Variants in TNRC6B observed in about 807,000 individuals in gnomAD.
TNRC6B encodes the protein trinucleotide repeat-containing gene 6B protein.
A neutral mutation model predicts 203.6 loss-of-function variants in TNRC6B; 52 were observed. The ratio of observed to expected loss-of-function variants is 0.26; its 90% confidence interval spans 0.20 to 0.32. TNRC6B has a LOEUF of 0.32. Among genes scored for constraint, TNRC6B ranks in the 10% least tolerant of loss-of-function variants. TNRC6B has a pLI of 1.00. For missense variants in TNRC6B, 1,923 were observed against 2,286.2 expected (o/e 0.84, Z 3.24); for synonymous variants, 838 against 845.7 (o/e 0.99, Z 0.16).
At chr22:40,249,529 G>A (rs998449261) in intron 2 of TNRC6B, among the ~76,000 whole-genome samples, 7 of 152,180 alleles carry the variant, frequency 4.6e-5, no homozygotes, top group South Asian at 2.1e-4. Context: ...ATTGTTTAGC[G>A]TTGGCAGAAC....
chr22:40,199,344 C>G (rs572568278), intron 1 of TNRC6B, among the ~76,000 whole-genome samples: 5 of 152,100 alleles, frequency 3.3e-5, no homozygotes, highest in Admixed American at 1.3e-4. Flanking sequence ...AATGGAGAGG[C>G]CTGGCAGATG....
intron 4 of TNRC6B, among the ~76,000 whole-genome samples, chr22:40,159,281 A>G (rs2068850667): frequency 1.4e-5 from 2 of 147,162 alleles, no homozygotes; most frequent in South Asian, 4.4e-4. Context: ...GTAATTTTTT[A>G]ATAAAAGTAA....
intron 3 of TNRC6B, among the ~76,000 whole-genome samples, chr22:40,151,946 A>G (rs1391646415): frequency 2.0e-5 from 3 of 152,130 alleles, no homozygotes; most frequent in African/African-American, 7.2e-5. Context: ...CCAGAAGGAG[A>G]GAACAGAAGT....
rs1038748337 is a variant in TNRC6B at position 40,335,568 on chromosome 22, G to A, written c.*12327G>A. 9 of 151,034 alleles carry A rather than the reference G, an allele frequency of 6.0e-5. No homozygotes were observed. Among genetic ancestry groups the A allele is most frequent in the African/African-American group, 1.7e-4 (7 of 41,144 alleles). The allele number at this position is 151,034 out of a possible 1,614,324, so 9.4% of individuals were successfully genotyped here. A position where few individuals can be genotyped will look rare whatever the true frequency, so the allele number is the denominator to read the frequency against. On this transcript the variant is annotated 3_prime_UTR_variant, in exon 23 of 23. Coordinates refer to ENST00000454349, the MANE Select transcript of TNRC6B (RefSeq NM_001162501.2). ...AGGTTGAGTAATAAGGAATTAAGTC[G>A]TCGTCATTTCATTAAAACTGAGAGA...
chr22:40,187,080 T>A (rs1441006111), intron 1 of TNRC6B, among the ~76,000 whole-genome samples: 4 of 152,220 alleles, frequency 2.6e-5, no homozygotes, highest in Non-Finnish European at 5.9e-5. Context: ...TAAATTTAAA[T>A]TAATTAAAAT....
At chr22:40,046,376 A>G (rs1490441850) in intron 1 of TNRC6B, among the ~76,000 whole-genome samples, 2 of 152,238 alleles carry the variant, frequency 1.3e-5, no homozygotes, top group Admixed American at 1.3e-4. Context: ...GCACGAAGGC[A>G]CACTCACCAA....
At chr22:40,102,083 C>G (rs2068245601) in intron 1 of TNRC6B, among the ~76,000 whole-genome samples, 1 of 152,150 alleles carries the variant, frequency 6.6e-6, no homozygotes, top group African/African-American at 2.4e-5. Flanking sequence ...TATAAAAGAA[C>G]TGTTAATTTC....
chr22:40,290,388 G>C (rs2070854185), intron 12 of TNRC6B, among the ~76,000 whole-genome samples: 1 of 152,168 alleles, frequency 6.6e-6, no homozygotes, highest in African/African-American at 2.4e-5. Flanking sequence ...CCTCGTGGCT[G>C]GTTCTCTCGC....
chr22:40,291,750 AC>A (rs1238537989), intron 12 of TNRC6B, among the ~76,000 whole-genome samples: 1 of 152,234 alleles, frequency 6.6e-6, no homozygotes, highest in African/African-American at 2.4e-5. Context: ...TTATACATAA[AC>A]CCTTGCCCAC....
chr22:40,173,567 C>T (rs2069024790), upstream of TNRC6B, among the ~76,000 whole-genome samples: 1 of 150,608 alleles, frequency 6.6e-6, no homozygotes, highest in African/African-American at 2.4e-5. Context: ...CATACCCCAC[C>T]AAGCCTGGCT....
At chr22:40,285,597 ATTTTC>A (rs758507479) in intron 11 of TNRC6B, 43 bp from the exon 12 acceptor site, 1 of 1,586,466 alleles carries the variant, frequency 6.3e-7, no homozygotes, top group African/African-American at 1.4e-5. Context: ...TCTTACTTGC[ATTTTC>A]TTATGTTAAC....
At chr22:40,139,842 A>G (rs572779748) in intron 3 of TNRC6B, among the ~76,000 whole-genome samples, 2 of 152,328 alleles carry the variant, frequency 1.3e-5, no homozygotes, top group African/African-American at 2.4e-5. Context: ...TTTTTGAGGA[A>G]CTGCCAAACT....
At chr22:40,095,085 T>A (rs974398128) in intron 1 of TNRC6B, among the ~76,000 whole-genome samples, 1 of 152,196 alleles carries the variant, frequency 6.6e-6, no homozygotes, top group Non-Finnish European at 1.5e-5. Context: ...CCAGAAATCT[T>A]TACAATTATA....
chr22:40,261,033 A>G (rs370008626), intron 3 of TNRC6B, among the ~76,000 whole-genome samples: 4 of 152,308 alleles, frequency 2.6e-5, no homozygotes, highest in East Asian at 1.9e-4. Context: ...TAATCCCAGC[A>G]CTTTGGGAGG....
At chr22:40,272,213 G>A (rs1445524650) in intron 6 of TNRC6B, among the ~76,000 whole-genome samples, 1 of 152,198 alleles carries the variant, frequency 6.6e-6, no homozygotes, top group Non-Finnish European at 1.5e-5. Context: ...AGGAAGAGGA[G>A]CATCCCAACC....
In TNRC6B at chr22:40,265,614, G is replaced by C; in HGVS notation, c.1384G>C (p.Val462Leu). ...AGAGGACTCCTGGAAAGGAGCTTCTGTTCAGAAATCAACTGGGTCAAAAAA... is the reference window on the plus strand; with the variant it reads ...AGAGGACTCCTGGAAAGGAGCTTCTCTTCAGAAATCAACTGGGTCAAAAAA... ...EREDSWKGAS[V>L]QKSTGSKNDS... The change falls in exon 5 of 23, where the codon GTT becomes CTT. Residue 462 changes from valine (V) to leucine (L), a missense_variant. Val to Leu is a conservative substitution (Grantham distance 32, BLOSUM62 1). Transcript: ENST00000454349. The C allele has an allele frequency of 6.2e-6, 10 of 1,613,792 alleles. No homozygotes were observed. The highest frequency in any genetic ancestry group is 8.5e-6 in the Non-Finnish European group (10 of 1,179,790).
At chr22:40,170,372 A>G (rs1198922957) in intron 4 of TNRC6B, among the ~76,000 whole-genome samples, 2 of 76,984 alleles carry the variant, frequency 2.6e-5, no homozygotes, top group Non-Finnish European at 4.4e-5. Flanking sequence ...TAGTTTATAT[A>G]TATATTATAT....
At chr22:40,188,194 G>A (rs1281311636) in intron 1 of TNRC6B, among the ~76,000 whole-genome samples, 1 of 152,136 alleles carries the variant, frequency 6.6e-6, no homozygotes, top group African/African-American at 2.4e-5. Flanking sequence ...GGGCGACAGA[G>A]CAACACTGTG....
At position 40,331,664 on chromosome 22, in the gene TNRC6B, TTTTTTTC is replaced by T; in HGVS notation, c.*8424_*8430del. ...TGTTGGATTTTTTTTTTTTTTTTTT[TTTTTTTC>T]AAAAAAAAAAGTCCCACATGTGGTC... On this transcript the variant is annotated 3_prime_UTR_variant, in exon 23 of 23. Coordinates refer to ENST00000454349, the MANE Select transcript of TNRC6B (RefSeq NM_001162501.2). The T allele has an allele frequency of 3.0e-6, 1 of 331,916 alleles. No homozygotes were observed. The highest frequency in any genetic ancestry group is 2.2e-5 in the African/African-American group (1 of 46,322). The allele number at this position is 331,916 out of a possible 1,614,324, so 20.6% of individuals were successfully genotyped here. A position where few individuals can be genotyped will look rare whatever the true frequency, so the allele number is the denominator to read the frequency against.
Sources: gnomAD v4.1 joint callset for allele counts (sites outside exome capture counted in the v4.1 genomes callset) on GRCh38, gnomAD v4.1.1 for gene constraint, MANE v1.5 for transcripts, NCBI Gene and HGNC (gene_info 2026-07-23, HGNC 2026-07-21) for gene names.